The following FRMPD4 variants were observed in gnomAD, a reference collection of about 807,000 sequenced individuals.
The protein encoded by FRMPD4 is FERM and PDZ domain containing 4, also known as FERM and PDZ domain-containing protein 4.
Under a neutral mutation model 94.1 loss-of-function variants are expected in FRMPD4, and 22 were observed. The observed-to-expected ratio is 0.23, with a 90% CI of 0.17 to 0.33. FRMPD4 has a LOEUF of 0.33. FRMPD4 is among the 10% of genes least tolerant of loss of function. The probability of loss-of-function intolerance (pLI) is 1.00; values close to 1 mark genes in which losing one functional copy is unlikely to be tolerated. For synonymous variants in FRMPD4, 631 were observed against 548.6 expected (o/e 1.15, Z -2.10); for missense variants, 1,111 against 1,339.9 (o/e 0.83, Z 2.67).
At chrX:12,697,520 T>C (rs7892419) in intron 9 of FRMPD4, among the ~76,000 whole-genome samples, 4,198 of 112,474 alleles carry the variant, frequency 0.037, 213 homozygotes, top group African/African-American at 0.13. Context: ...CATTTAAACA[T>C]CACGAGTCCA....
intron 3 of FRMPD4, among the ~76,000 whole-genome samples, chrX:12,085,478 C>G (rs2055100905): frequency 9.1e-6 from 1 of 110,382 alleles, no homozygotes; most frequent in Non-Finnish European, 1.9e-5. Context: ...TTTGAGGCTG[C>G]AATGAACTAT....
At chrX:11,919,666 C>T (rs1446117437) in intron 3 of FRMPD4, among the ~76,000 whole-genome samples, 2 of 111,475 alleles carry the variant, frequency 1.8e-5, no homozygotes, top group Non-Finnish European at 3.8e-5. Flanking sequence ...ATCAGGAGCT[C>T]CACCGTGAAA....
intron 14 of FRMPD4, among the ~76,000 whole-genome samples, chrX:12,715,849 T>C (rs2042067697): frequency 8.9e-6 from 1 of 112,388 alleles, no homozygotes; most frequent in Non-Finnish European, 1.9e-5. Flanking sequence ...TTACAGTTTA[T>C]GCAGTATCAA....
chrX:12,717,267 G>A lies in FRMPD4; in HGVS notation c.2674+134G>A, dbSNP rs1418430402. ...CCCATTTCATAAATGTGCTGAAACTGCCATCATGGGTTTTTTTGTGTGTAT... is the reference window on the plus strand; with the variant it reads ...CCCATTTCATAAATGTGCTGAAACTACCATCATGGGTTTTTTTGTGTGTAT... On this transcript the variant is annotated intron_variant, in intron 15 of 16. Transcript: ENST00000675598. 7 of 472,778 alleles carry A rather than the reference G, an allele frequency of 1.5e-5. No individual in the cohort carries two copies. The East Asian group carries it at 2.6e-4, about 18-fold the overall frequency. The allele number at this position is 472,778 out of a possible 1,213,427, so 39.0% of individuals were successfully genotyped here.
chrX:12,460,916 T>C (rs1210056286), intron 1 of FRMPD4, among the ~76,000 whole-genome samples: 1 of 112,252 alleles, frequency 8.9e-6, no homozygotes, highest in African/African-American at 3.2e-5. Flanking sequence ...TTGTGCTACA[T>C]GTTTATGTAA....
At chrX:12,283,695 G>T (rs1448905440) in intron 1 of FRMPD4, among the ~76,000 whole-genome samples, 1 of 108,945 alleles carries the variant, frequency 9.2e-6, no homozygotes, top group Non-Finnish European at 1.9e-5. Flanking sequence ...CTGGTGTAAA[G>T]AAATGATGAA....
intron 1 of FRMPD4, among the ~76,000 whole-genome samples, chrX:12,418,713 A>C (rs1358242020): frequency 9.0e-6 from 1 of 111,351 alleles, no homozygotes; most frequent in East Asian, 2.8e-4. Flanking sequence ...GACAAGGTTG[A>C]GATAAGCATA....
At chrX:12,469,481 G>A (rs768073862) in intron 1 of FRMPD4, among the ~76,000 whole-genome samples, 3 of 111,396 alleles carry the variant, frequency 2.7e-5, no homozygotes, top group Non-Finnish European at 5.7e-5. Flanking sequence ...AAATTCCTGA[G>A]CTTAGACAAT....
At chrX:12,571,607 T>G (rs1384699510) in intron 2 of FRMPD4, among the ~76,000 whole-genome samples, 2 of 113,105 alleles carry the variant, frequency 1.8e-5, no homozygotes, top group African/African-American at 3.2e-5. Context: ...GGCCATGTTC[T>G]GGCTTTTCTG....
chrX:12,227,172 G>A (rs186729797), intron 1 of FRMPD4, among the ~76,000 whole-genome samples: 1 of 111,667 alleles, frequency 9.0e-6, no homozygotes, highest in Non-Finnish European at 1.9e-5. Flanking sequence ...AGCACACGTA[G>A]CATTTTAAGG....
intron 1 of FRMPD4, among the ~76,000 whole-genome samples, chrX:12,324,995 C>T (rs1392150240): frequency 1.8e-5 from 2 of 111,945 alleles, no homozygotes; most frequent in African/African-American, 6.5e-5. Context: ...GTGTAATCTC[C>T]ATTGGGTTTA....
At chrX:12,672,194 G>A (rs757253134) in intron 4 of FRMPD4, among the ~76,000 whole-genome samples, 4 of 112,158 alleles carry the variant, frequency 3.6e-5, no homozygotes, top group Non-Finnish European at 7.5e-5. Flanking sequence ...TCTTCTGTCC[G>A]TGGAAGGTGA....
rs751450815 is a variant in FRMPD4 at position 12,158,581 on chromosome X, T to C, written c.41+19569T>C. On this transcript the variant is annotated intron_variant, in intron 1 of 16. Transcript: ENST00000675598. Reference sequence around the variant, plus strand: ...TGAAGTTAATCACTATCCTCTTGATTTCTATCCTCTGTCTTTGAACATAAT... The same window carrying C: ...TGAAGTTAATCACTATCCTCTTGATCTCTATCCTCTGTCTTTGAACATAAT... Among the ~76,000 whole-genome samples, 4 of 112,368 alleles carry C rather than the reference T, an allele frequency of 3.6e-5. No individual in the cohort carries two copies. In the East Asian group the frequency reaches 1.1e-3, roughly 31 times the overall value.
rs1441153884 is a variant in FRMPD4, at chrX:12,479,454, A to ATG, written c.42-19224_42-19223dup. ...TATATACACACATATATGTATATAT[A>ATG]TGTATATATGTATATATATGTATAT... On this transcript the variant is annotated intron_variant, in intron 1 of 16. Transcript: ENST00000675598. Among the ~76,000 whole-genome samples the ATG allele has an allele frequency of 9.3e-4, 94 of 100,940 alleles. 2 individuals are homozygous for ATG. Among genetic ancestry groups the ATG allele is most frequent in the East Asian group, 3.3e-3 (11 of 3,381 alleles). 87.7% of individuals were successfully genotyped at this position (100,940 alleles called of 115,157 possible).
chrX:12,700,365 T>C (rs1357423920), intron 9 of FRMPD4, among the ~76,000 whole-genome samples: 2 of 112,342 alleles, frequency 1.8e-5, no homozygotes, highest in Non-Finnish European at 3.8e-5. Context: ...GAATCCAGTT[T>C]CCCATAACAA....
At chrX:12,317,593 AAAAAAAAAAAC>A (rs1569229229) in intron 1 of FRMPD4, among the ~76,000 whole-genome samples, 1 of 107,546 alleles carries the variant, frequency 9.3e-6, no homozygotes, top group Non-Finnish European at 1.9e-5. Context: ...AGCAAAAAAA[AAAAAAAAAAAC>A]AAAAAAAACA....
intron 1 of FRMPD4, among the ~76,000 whole-genome samples, chrX:12,168,877 G>A (rs2056172887): frequency 2.7e-5 from 3 of 111,279 alleles, no homozygotes; most frequent in Admixed American, 9.5e-5. Flanking sequence ...TGCCCGCCTC[G>A]GCCTCCCAGA....
At chrX:12,136,486 G>A (rs986877347), upstream of FRMPD4, among the ~76,000 whole-genome samples, 1 of 111,388 alleles carries the variant, frequency 9.0e-6, no homozygotes, top group Non-Finnish European at 1.9e-5. Context: ...CTTTCTAGAG[G>A]GGGCATTTTG....
chrX:12,345,523 A>G (rs1601841760), intron 1 of FRMPD4, among the ~76,000 whole-genome samples: 1 of 111,871 alleles, frequency 8.9e-6, no homozygotes, highest in African/African-American at 3.2e-5. Context: ...AGAACTGTCA[A>G]CCAGGGCTAA....
Sources: allele counts gnomAD v4.1 joint callset (sites outside exome capture counted in the v4.1 genomes callset), GRCh38; gene constraint gnomAD v4.1.1; transcripts MANE v1.5; gene names NCBI Gene and HGNC (gene_info 2026-07-23, HGNC 2026-07-21).